SLC6A9: variants seen among roughly 807,000 people sequenced by gnomAD.
SLC6A9 encodes sodium- and chloride-dependent glycine transporter 1.
Under a neutral mutation model 70.9 loss-of-function variants are expected in SLC6A9, and 31 were observed. That is an observed-to-expected ratio of 0.44 (90% CI 0.33 to 0.59). The LOEUF (loss-of-function observed/expected upper bound fraction) is 0.59. SLC6A9 is among the 20% of genes least tolerant of loss of function. The pLI, the probability that SLC6A9 is intolerant of heterozygous loss-of-function variation, is 0.04. For synonymous variants in SLC6A9, 310 were observed against 341.3 expected (o/e 0.91, Z 1.01); for missense variants, 631 against 845.2 (o/e 0.75, Z 3.14).
intron 4 of SLC6A9, among the ~76,000 whole-genome samples, chr1:44,009,519 G>A (rs918716124): frequency 1.3e-5 from 2 of 152,246 alleles, no homozygotes; most frequent in East Asian, 1.9e-4. Context: ...CACCGCGCCC[G>A]GCCAAGATGG....
Position 44,008,638 on chromosome 1 carries a change from G to T in SLC6A9, c.320-15C>A. 6.2e-7 allele frequency: 1 copy of T among 1,609,608 alleles called. No homozygotes were observed. Among genetic ancestry groups the T allele is most frequent in the South Asian group, 1.1e-5 (1 of 91,006 alleles). ...ATAGCCCACTCCTGCAGGAGGGGAG[G>T]GGTGGGGGGAGGAGCCTCAGCATCC... On this transcript the variant is annotated splice_polypyrimidine_tract_variant and intron_variant, in intron 4 of 13. Coordinates refer to ENST00000372310, the MANE Select transcript of SLC6A9 (RefSeq NM_001024845.3).
intron 4 of SLC6A9, among the ~76,000 whole-genome samples, chr1:44,009,525 G>A (rs557240214): frequency 6.0e-4 from 92 of 152,220 alleles, no homozygotes; most frequent in African/African-American, 1.9e-3. Context: ...GCCCGGCCAA[G>A]ATGGGGTTTC....
chr1:44,029,629 G>T (rs926755197), intron 1 of SLC6A9, among the ~76,000 whole-genome samples: 2 of 152,108 alleles, frequency 1.3e-5, no homozygotes, highest in Non-Finnish European at 2.9e-5. Flanking sequence ...CTTGCCACAC[G>T]TAGCAATTGA....
rs778655602 is a variant in SLC6A9, at chr1:44,002,502, C to T, written c.858+10G>A. 8.1e-6 allele frequency: 13 copies of T among 1,613,992 alleles called. No individual in the cohort carries two copies. In the South Asian group the frequency reaches 1.3e-4, roughly 16 times the overall value. ...TCCCCAGCCCCCTTCCGGTTTCCCTCACTTCCCACCTTGGCCTCCAGGATC... is the reference window on the plus strand; with the variant it reads ...TCCCCAGCCCCCTTCCGGTTTCCCTTACTTCCCACCTTGGCCTCCAGGATC... On this transcript the variant is annotated intron_variant, in intron 7 of 13. Transcript: ENST00000372310. The surrounding 1 kb of genome is among the most constrained non-coding windows in gnomAD (Gnocchi z 5.5).
intron 1 of SLC6A9, among the ~76,000 whole-genome samples, chr1:44,029,853 C>G (rs2087060752): frequency 6.6e-6 from 1 of 152,204 alleles, no homozygotes; most frequent in Admixed American, 6.5e-5. Flanking sequence ...CCAGTCCCCT[C>G]ACCCACTACT....
intron 4 of SLC6A9, 91 bp from the exon 5 acceptor site, chr1:44,008,714 T>C: frequency 9.4e-7 from 1 of 1,068,296 alleles, no homozygotes; most frequent in Middle Eastern, 3.0e-4. Flanking sequence ...TCTTTTCTTT[T>C]TTTTTTTTTG....
At chr1:44,010,486 CA>C in intron 3 of SLC6A9, 1 of 180,984 alleles carries the variant, frequency 5.5e-6, no homozygotes, top group Non-Finnish European at 1.2e-5. Flanking sequence ...GTCCTTTTCT[CA>C]CCTCTCCTCA....
intron 1 of SLC6A9, among the ~76,000 whole-genome samples, chr1:44,027,212 C>T (rs985988492): frequency 1.3e-5 from 2 of 152,144 alleles, no homozygotes; most frequent in African/African-American, 4.8e-5. Context: ...CAGTTTAGCA[C>T]ATGATAAAGA....
intron 12 of SLC6A9, among the ~76,000 whole-genome samples, chr1:43,999,393 G>T (rs937012955): frequency 6.6e-6 from 1 of 151,732 alleles, no homozygotes; most frequent in African/African-American, 2.4e-5. Context: ...CCCAGCCAAG[G>T]TTGCCCCTAC....
In SLC6A9 at chr1:44,024,314, C is replaced by T. The variant is rs1452938917; in HGVS notation, c.-37G>A. The T allele has an allele frequency of 3.1e-6, 5 of 1,613,462 alleles. No individual in the cohort carries two copies. The highest frequency in any genetic ancestry group is 4.2e-6 in the Non-Finnish European group (5 of 1,179,438). On this transcript the variant is annotated 5_prime_UTR_variant, in exon 2 of 14. It adds an upstream start codon to the 5' untranslated region. Coordinates refer to ENST00000372310, the MANE Select transcript of SLC6A9 (RefSeq NM_001024845.3). ...GTTGGGGCTCTGGTGACGGGGACCA[C>T]ACTCACAGGCTCTGCTTCCAGCGCC...
At position 43,996,778 on chromosome 1, in the gene SLC6A9, G is replaced by GGTGTC. The variant is rs2085876543; in HGVS notation, c.*762_*766dup. On this transcript the variant is annotated 3_prime_UTR_variant, in exon 14 of 14. Transcript: ENST00000372310. Reference sequence around the variant, plus strand: ...TAGCCTCATGGAGGGAGGGCAAGGGGGTGTCGTGCAGGGTCCCCTTCCCCA... The same window carrying GGTGTC: ...TAGCCTCATGGAGGGAGGGCAAGGGGGTGTCGTGTCGTGCAGGGTCCCCTTCCCCA... 6.5e-6 allele frequency: 1 copy of GGTGTC among 153,054 alleles called. No homozygotes were observed. The highest frequency in any genetic ancestry group is 1.5e-5 in the Non-Finnish European group (1 of 68,418). The allele number at this position is 153,054 out of a possible 1,614,324, so 9.5% of individuals were successfully genotyped here.
intron 5 of SLC6A9, among the ~76,000 whole-genome samples, chr1:44,003,486 G>A (rs1465504636): frequency 6.6e-6 from 1 of 152,212 alleles, no homozygotes; most frequent in East Asian, 1.9e-4. Flanking sequence ...GCTGGGTGTG[G>A]TGGCTCACAC....
At chr1:44,008,321 T>C in intron 5 of SLC6A9, 32 bp downstream of exon 5, 1 of 1,609,456 alleles carries the variant, frequency 6.2e-7, no homozygotes, top group Non-Finnish European at 8.5e-7. Flanking sequence ...GCCACCAGGT[T>C]CCCCCCACCC....
chr1:44,000,862 G>A lies in SLC6A9; in HGVS notation c.1441C>T (p.Arg481Trp), dbSNP rs755142891. 8.7e-6 allele frequency: 14 copies of A among 1,607,326 alleles called. No homozygotes were observed. Among genetic ancestry groups the A allele is most frequent in the East Asian group, 2.2e-5 (1 of 44,866 alleles). The change falls in exon 12 of 14, where the codon CGG becomes TGG. Residue 481 changes from arginine to tryptophan, a missense_variant. Transcript: ENST00000372310. ...CVAIMYIYGH[R>W]NYFQDIQMML... ...ATCTGGATGTCCTGGAAGTAGTTCC[G>A]GTGCCCTGGAGAGATGGGGGGTCAG...
Position 44,002,338 on chromosome 1 carries a change from T to G in SLC6A9, c.937A>C (p.Asn313His). 6.2e-7 allele frequency: 1 copy of G among 1,613,868 alleles called. No homozygotes were observed. The highest frequency in any genetic ancestry group is 8.5e-7 in the Non-Finnish European group (1 of 1,179,796). ...CGGTAACAGTTATTGTGGAACTTGT[T>G]GTAGGAAGCCATGGTGATGAGGCCT... ...WGGLITMASY[N>H]KFHNNCYRDS... Residue 313 changes from asparagine (N) to histidine (H), a missense_variant, in exon 8 of 14, where the codon AAC (asparagine) becomes CAC (histidine). By Grantham distance (68) the Asn-to-His change is moderately conservative. Transcript: ENST00000372310. The surrounding 1 kb of genome is among the most constrained non-coding windows in gnomAD (Gnocchi z 5.5).
In SLC6A9 at chr1:44,008,542, A is replaced by T. The variant is rs202113654; in HGVS notation, c.401T>A (p.Phe134Tyr). The change falls in exon 5 of 14, where the codon TTC becomes TAC. Residue 134 changes from phenylalanine (F) to tyrosine (Y), a missense_variant. Transcript: ENST00000372310. ...NVVICIAFYYFFSSMTHVLPW... is the reference protein window; with the variant it reads ...NVVICIAFYYYFSSMTHVLPW... ...CAGCACGTGCGTCATGGACGAGAAG[A>T]AGTAGTAGAAGGCGATGCAGATGAC... 28 of 1,613,972 alleles carry T rather than the reference A, an allele frequency of 1.7e-5. No individual in the cohort carries two copies. Among genetic ancestry groups the T allele is most frequent in the Admixed American group, 1.7e-4 (10 of 59,996 alleles).
rs561035287 is a variant in SLC6A9 at position 44,026,352 on chromosome 1, A to T, written c.-85-1990T>A. Among the ~76,000 whole-genome samples the T allele has an allele frequency of 1.7e-4, 26 of 152,366 alleles. 1 individual carries two copies. The South Asian group carries it at 5.4e-3, about 32-fold the overall frequency. ...TGACAATGATGATAGTAATAACAGCAGATGGCATTAGAAAGAGCCATGTCA... is the reference window on the plus strand; with the variant it reads ...TGACAATGATGATAGTAATAACAGCTGATGGCATTAGAAAGAGCCATGTCA... On this transcript the variant is annotated intron_variant, in intron 1 of 13. Transcript: ENST00000372310.
Position 44,002,407 on chromosome 1 carries a change from C to CT in SLC6A9, c.867_868insA (p.Asp290ArgfsTer29), listed in dbSNP as rs2086147353. 3.1e-6 allele frequency: 5 copies of CT among 1,613,998 alleles called. No homozygotes were observed. Among genetic ancestry groups the CT allele is most frequent in the Admixed American group, 1.7e-5 (1 of 59,996 alleles). On this transcript the variant is annotated frameshift_variant, in exon 8 of 14. Coordinates refer to ENST00000372310, the MANE Select transcript of SLC6A9 (RefSeq NM_001024845.3). LOFTEE classifies it high-confidence loss of function. This position sits in a 1 kb window ranked among gnomAD's most constrained non-coding sequence, Gnocchi z 5.5. ...GAGTAGAAGATCTGGGAGGCAGCAT[C>CT]ACCCCACACCTGCAGGGAAGGACCG...
chr1:44,000,918 G>A (rs751837481), intron 11 of SLC6A9, 38 bp downstream of exon 11: 29 of 1,599,834 alleles, frequency 1.8e-5, no homozygotes, highest in Non-Finnish European at 2.4e-5. Flanking sequence ...GGCGGGCCAA[G>A]GGCCGGGTCG....
Sources: allele counts gnomAD v4.1 joint callset (sites outside exome capture counted in the v4.1 genomes callset), GRCh38; gene constraint gnomAD v4.1.1; non-coding constraint Gnocchi (gnomAD v3.1); transcripts MANE v1.5; gene names NCBI Gene and HGNC (gene_info 2026-07-23, HGNC 2026-07-21).